TMEM132B: variants seen among roughly 807,000 people sequenced by gnomAD.
The protein encoded by TMEM132B is transmembrane protein 132B.
Under a neutral mutation model 90.8 loss-of-function variants are expected in TMEM132B, and 18 were observed. The observed-to-expected ratio is 0.20, with a 90% CI of 0.14 to 0.29. The LOEUF (loss-of-function observed/expected upper bound fraction) is 0.29. Among genes scored for constraint, TMEM132B ranks in the 10% least tolerant of loss-of-function variants. The probability of loss-of-function intolerance (pLI) is 1.00; values close to 1 mark genes in which losing one functional copy is unlikely to be tolerated. For synonymous variants in TMEM132B, 504 were observed against 523.3 expected, an observed-to-expected ratio of 0.96 and a Z score of 0.50; for missense variants, 1,096 against 1,326.8, an observed-to-expected ratio of 0.83 and a Z score of 2.70.
chr12:125,640,078 G>A (rs1403387074), intron 5 of TMEM132B, among the ~76,000 whole-genome samples: 3 of 152,164 alleles, frequency 2.0e-5, no homozygotes, highest in Non-Finnish European at 4.4e-5. Context: ...CCTGTCGTCA[G>A]TTCCCACAGG....
intron 3 of TMEM132B, among the ~76,000 whole-genome samples, chr12:125,465,515 T>C (rs1371610278): frequency 6.6e-6 from 1 of 152,180 alleles, no homozygotes; most frequent in Non-Finnish European, 1.5e-5. Context: ...CTCAATCCAC[T>C]GCTAAAGAGT....
chr12:125,476,846 A>T (rs1042337554), intron 3 of TMEM132B, among the ~76,000 whole-genome samples: 1 of 152,182 alleles, frequency 6.6e-6, no homozygotes, highest in Admixed American at 6.5e-5. Context: ...AGGACTGTGT[A>T]AAGCTGGCAT....
intron 1 of TMEM132B, among the ~76,000 whole-genome samples, chr12:125,346,800 G>A (rs996127583): frequency 6.6e-5 from 10 of 152,236 alleles, no homozygotes; most frequent in Non-Finnish European, 1.5e-4. Flanking sequence ...TATATCGTGT[G>A]TTTAAATAGA....
At chr12:125,276,710 T>C (rs1017757195) in intron 1 of TMEM132B, among the ~76,000 whole-genome samples, 3 of 152,172 alleles carry the variant, frequency 2.0e-5, no homozygotes, top group African/African-American at 7.2e-5. Flanking sequence ...ACCTGACCCT[T>C]GTTGGTGTGG....
chr12:125,189,781 A>C (rs565828054), intron 1 of TMEM132B, among the ~76,000 whole-genome samples: 94 of 152,258 alleles, frequency 6.2e-4, no homozygotes, highest in African/African-American at 2.1e-3. Context: ...GGAGCAAAAG[A>C]AAACCCTCAT....
At chr12:125,190,102 C>A (rs1463829280) in intron 1 of TMEM132B, among the ~76,000 whole-genome samples, 2 of 152,128 alleles carry the variant, frequency 1.3e-5, no homozygotes, top group Non-Finnish European at 2.9e-5. Context: ...CAGCCCCCGG[C>A]AGATGGGAAG....
chr12:125,397,559 A>G (rs970156166), intron 2 of TMEM132B, among the ~76,000 whole-genome samples: 15 of 152,184 alleles, frequency 9.9e-5, no homozygotes, highest in African/African-American at 3.6e-4. Flanking sequence ...GAAAATATCA[A>G]CTTCCCTACC....
chr12:125,517,215 C>T (rs1438959935), intron 3 of TMEM132B, among the ~76,000 whole-genome samples: 25 of 151,428 alleles, frequency 1.7e-4, no homozygotes, highest in Admixed American at 1.6e-3. Context: ...GGCTGGAGTG[C>T]AGCGGTGTGA....
chr12:125,534,653 A>G (rs1566066102), intron 4 of TMEM132B, among the ~76,000 whole-genome samples: 1 of 150,596 alleles, frequency 6.6e-6, no homozygotes. Context: ...TAGAGTCATT[A>G]TTTTTATTAT....
At chr12:125,585,672 G>A (rs1400595435) in intron 5 of TMEM132B, 2 of 152,208 alleles carry the variant, frequency 1.3e-5, no homozygotes, top group African/African-American at 4.8e-5. Flanking sequence ...CAAGTTCACA[G>A]ATCCCGTTAT....
At chr12:125,603,962 C>G (rs922193137) in intron 5 of TMEM132B, among the ~76,000 whole-genome samples, 2 of 151,318 alleles carry the variant, frequency 1.3e-5, no homozygotes, top group Non-Finnish European at 3.0e-5. Context: ...ACTGGCGAGG[C>G]TGTGAAGAAT....
At position 125,277,800 on chromosome 12, in the gene TMEM132B, G is replaced by A. The variant is rs1316056948; in HGVS notation, c.68-71652G>A. Among the ~76,000 whole-genome samples the A allele has an allele frequency of 1.3e-5, 2 of 152,214 alleles. No individual in the cohort carries two copies. The highest frequency in any genetic ancestry group is 1.9e-4 in the East Asian group (1 of 5,182). On this transcript the variant is annotated intron_variant, in intron 1 of 8. Transcript: ENST00000682704. The surrounding 1 kb of genome is among the most constrained non-coding windows in gnomAD (Gnocchi z 4.3). ...GCAGCTCTGGGGAGCTAACAACGAC[G>A]TTAAAAAAAGTTGGACAAATGGCTA...
rs56395910 is a variant in TMEM132B, at chr12:125,213,251, T to C, written c.67+26385T>C. 0.11 allele frequency among the ~76,000 whole-genome samples: 17,102 copies of C among 152,290 alleles called. 1,308 individuals are homozygous for C. Among genetic ancestry groups the C allele is most frequent in the African/African-American group, 0.21 (8,749 of 41,544 alleles). On this transcript the variant is annotated intron_variant, in intron 1 of 8. Transcript: ENST00000682704. This position sits in a 1 kb window ranked among gnomAD's most constrained non-coding sequence, Gnocchi z 4.2. ...TCCACGTTGTAGCCTGTGTCAGTGC[T>C]ATGCTCCTTTTTATGGTTGAATCAT...
intron 3 of TMEM132B, among the ~76,000 whole-genome samples, chr12:125,489,055 G>A (rs1045827666): frequency 6.6e-6 from 1 of 152,142 alleles, no homozygotes; most frequent in Admixed American, 6.5e-5. Context: ...CCAGATACTG[G>A]TCCTGAGAGG....
At chr12:125,412,556 G>C (rs190506347) in intron 2 of TMEM132B, among the ~76,000 whole-genome samples, 1 of 152,186 alleles carries the variant, frequency 6.6e-6, no homozygotes. Flanking sequence ...ACCTTCAGCC[G>C]GTCGTGCGCT....
intron 1 of TMEM132B, among the ~76,000 whole-genome samples, chr12:125,233,188 C>T (rs1025967576): frequency 6.6e-6 from 1 of 152,190 alleles, no homozygotes; most frequent in Non-Finnish European, 1.5e-5. Context: ...CCTCAACAGT[C>T]ATGTAGAAGT....
At chr12:125,217,236 C>A (rs1307217243) in intron 1 of TMEM132B, among the ~76,000 whole-genome samples, 2 of 152,164 alleles carry the variant, frequency 1.3e-5, no homozygotes, top group African/African-American at 4.8e-5. Flanking sequence ...GCAGGCCATA[C>A]CTCAGTGGCA....
intron 2 of TMEM132B, among the ~76,000 whole-genome samples, chr12:125,413,701 T>A (rs1879923958): frequency 6.6e-6 from 1 of 152,278 alleles, no homozygotes. Context: ...TGAATAATAT[T>A]CCGTCATATG....
At chr12:125,612,621 T>G (rs1428674277) in intron 5 of TMEM132B, among the ~76,000 whole-genome samples, 2 of 144,250 alleles carry the variant, frequency 1.4e-5, no homozygotes, top group African/African-American at 5.0e-5. Context: ...TTTTTAATGT[T>G]ACTAGACAAC....
Sources: gnomAD v4.1 joint callset for allele counts (sites outside exome capture counted in the v4.1 genomes callset) on GRCh38, gnomAD v4.1.1 for gene constraint, Gnocchi (gnomAD v3.1) non-coding constraint, MANE v1.5 for transcripts, NCBI Gene and HGNC (gene_info 2026-07-23, HGNC 2026-07-21) for gene names.